The following ADAMTS2 variants were observed in gnomAD, a reference collection of about 807,000 sequenced individuals.
ADAMTS2 encodes A disintegrin and metalloproteinase with thrombospondin motifs 2.
Under a neutral mutation model 123.0 loss-of-function variants are expected in ADAMTS2, and 50 were observed. The ratio of observed to expected loss-of-function variants is 0.41; its 90% confidence interval spans 0.32 to 0.51. ADAMTS2 has a LOEUF of 0.51. Ranked by LOEUF, ADAMTS2 falls within the 20% of genes least tolerant of loss-of-function variation. The pLI, the probability that ADAMTS2 is intolerant of heterozygous loss-of-function variation, is 0.35. For synonymous variants in ADAMTS2, 678 were observed against 695.4 expected (o/e 0.98, Z 0.39); for missense variants, 1,494 against 1,705.2 (o/e 0.88, Z 2.18).
intron 2 of ADAMTS2, among the ~76,000 whole-genome samples, chr5:179,280,858 T>TTA (rs1219581918): frequency 7.5e-6 from 1 of 134,164 alleles, no homozygotes; most frequent in African/African-American, 2.8e-5. Context: ...AGTTCAATGC[T>TTA]TTTTTTCTTC....
rs1277941633 is a variant in ADAMTS2 at position 179,115,780 on chromosome 5, A to G, written c.3179-1456T>C. Among the ~76,000 whole-genome samples, 3 of 151,658 alleles carry G rather than the reference A, an allele frequency of 2.0e-5. No individual in the cohort carries two copies. Among genetic ancestry groups the G allele is most frequent in the Non-Finnish European group, 4.4e-5 (3 of 67,874 alleles). ...GTTATCCCATACACCAACATATGACACAATCTACACCTGAAGCTGTCCAAA... is the reference window on the plus strand; with the variant it reads ...GTTATCCCATACACCAACATATGACGCAATCTACACCTGAAGCTGTCCAAA... On this transcript the variant is annotated intron_variant, in intron 21 of 21. Coordinates refer to ENST00000251582, the MANE Select transcript of ADAMTS2 (RefSeq NM_014244.5). This position sits in a 1 kb window ranked among gnomAD's most constrained non-coding sequence, Gnocchi z 4.4.
chr5:179,282,013 G>T (rs2113530029), intron 2 of ADAMTS2, among the ~76,000 whole-genome samples: 1 of 152,234 alleles, frequency 6.6e-6, no homozygotes, highest in East Asian at 1.9e-4. Flanking sequence ...TTATTGACCT[G>T]TAAGAGCTCT....
intron 3 of ADAMTS2, among the ~76,000 whole-genome samples, chr5:179,248,356 C>T (rs1765850577): frequency 6.6e-6 from 1 of 151,940 alleles, no homozygotes; most frequent in South Asian, 2.1e-4. Context: ...AAACAAATAG[C>T]AGATAGCAGA....
In ADAMTS2 at chr5:179,180,298, C is replaced by T. The variant is rs1764017383; in HGVS notation, c.975+774G>A. 6.6e-6 allele frequency among the ~76,000 whole-genome samples: 1 copy of T among 152,168 alleles called. No homozygotes were observed. The highest frequency in any genetic ancestry group is 2.4e-5 in the African/African-American group (1 of 41,430). On this transcript the variant is annotated intron_variant, in intron 5 of 21. Coordinates refer to ENST00000251582, the MANE Select transcript of ADAMTS2 (RefSeq NM_014244.5). This position sits in a 1 kb window ranked among gnomAD's most constrained non-coding sequence, Gnocchi z 4.6. ...ATGCACACCGCCAGGAAAGGACGTC[C>T]CAGGTTTGGCTGCAAGAGGAAGTGG...
At chr5:179,151,997 A>G (rs1299636810) in intron 10 of ADAMTS2, 145 bp downstream of exon 10, 3 of 680,886 alleles carry the variant, frequency 4.4e-6, no homozygotes, top group Admixed American at 4.8e-5. Flanking sequence ...TGTGAGGGGT[A>G]ATTAGAAGGG....
chr5:179,183,128 A>G (rs943734851), intron 4 of ADAMTS2, among the ~76,000 whole-genome samples: 6 of 152,208 alleles, frequency 3.9e-5, no homozygotes, highest in African/African-American at 1.4e-4. Context: ...TCCTGGGGGT[A>G]GGGTATGCAC....
chr5:179,239,043 T>C (rs569469868), intron 3 of ADAMTS2, among the ~76,000 whole-genome samples: 1 of 152,146 alleles, frequency 6.6e-6, no homozygotes, highest in Non-Finnish European at 1.5e-5. Flanking sequence ...GTTGTGAATA[T>C]AATAAAAACC....
intron 2 of ADAMTS2, among the ~76,000 whole-genome samples, chr5:179,287,159 G>A (rs1474273669): frequency 6.6e-6 from 1 of 152,140 alleles, no homozygotes; most frequent in Non-Finnish European, 1.5e-5. Flanking sequence ...TCCTTGGGGA[G>A]CCACTCTGGA....
intron 3 of ADAMTS2, among the ~76,000 whole-genome samples, chr5:179,270,725 TG>T (rs1327401068): frequency 6.6e-6 from 1 of 152,204 alleles, no homozygotes; most frequent in Non-Finnish European, 1.5e-5. Flanking sequence ...TCACTGGGCC[TG>T]GTGCCCTTCC....
chr5:179,123,676 G>A (rs1025458534), intron 19 of ADAMTS2, among the ~76,000 whole-genome samples: 30 of 152,170 alleles, frequency 2.0e-4, no homozygotes, highest in East Asian at 1.9e-3. Flanking sequence ...CGATCCACCC[G>A]CCTGGGCCTC....
Position 179,113,768 on chromosome 5 carries a change from A to G in ADAMTS2, c.*99T>C. The G allele has an allele frequency of 8.0e-7, 1 of 1,256,546 alleles. No homozygotes were observed. Among genetic ancestry groups the G allele is most frequent in the Non-Finnish European group, 1.2e-6 (1 of 862,930 alleles). The allele number at this position is 1,256,546 out of a possible 1,614,324, so 77.8% of individuals were successfully genotyped here. A position where few individuals can be genotyped will look rare whatever the true frequency, so the allele number is the denominator to read the frequency against. Reference sequence around the variant, plus strand: ...TGTTTTCTCAAAACCTTTTGGAATCAGGAATTTTGACTTCATCTCCATGAC... The same window carrying G: ...TGTTTTCTCAAAACCTTTTGGAATCGGGAATTTTGACTTCATCTCCATGAC... On this transcript the variant is annotated 3_prime_UTR_variant, in exon 22 of 22. Coordinates refer to ENST00000251582, the MANE Select transcript of ADAMTS2 (RefSeq NM_014244.5).
chr5:179,143,153 G>A (rs1245291105), intron 10 of ADAMTS2, among the ~76,000 whole-genome samples: 1 of 152,198 alleles, frequency 6.6e-6, no homozygotes, highest in East Asian at 1.9e-4. Context: ...CTGAATAGAG[G>A]CTGAGTGCAA....
At chr5:179,300,289 C>T (rs1268176179) in intron 2 of ADAMTS2, among the ~76,000 whole-genome samples, 2 of 152,126 alleles carry the variant, frequency 1.3e-5, no homozygotes, top group African/African-American at 2.4e-5. Flanking sequence ...ATTATTCTGT[C>T]TCTCACAGAG....
chr5:179,127,999 G>T lies in ADAMTS2; in HGVS notation c.2577C>A (p.Ala859=), dbSNP rs1762888771. The T allele has an allele frequency of 1.9e-6, 3 of 1,613,972 alleles. No individual in the cohort carries two copies. Among genetic ancestry groups the T allele is most frequent in the Non-Finnish European group, 2.5e-6 (3 of 1,180,026 alleles). ...TGGAGCACGGAGACCACTTCTTCAGGGCCCACTCGTAGACCACAGAGTCCT... is the reference window on the plus strand; with the variant it reads ...TGGAGCACGGAGACCACTTCTTCAGTGCCCACTCGTAGACCACAGAGTCCT... ...LEEDSVVYEW[A]LKKWSPCSKP... Residue 859 remains alanine (A), a synonymous_variant, in exon 17 of 22, where the codon GCC becomes GCA. Transcript: ENST00000251582.
chr5:179,207,943 G>A (rs185496492), intron 3 of ADAMTS2, among the ~76,000 whole-genome samples: 58 of 152,220 alleles, frequency 3.8e-4, no homozygotes, highest in Non-Finnish European at 7.5e-4. Flanking sequence ...TTCCAGGACC[G>A]CTCGTTCCCC....
intron 2 of ADAMTS2, among the ~76,000 whole-genome samples, chr5:179,279,771 C>G (rs1260632706): frequency 1.3e-5 from 2 of 152,174 alleles, no homozygotes; most frequent in Non-Finnish European, 2.9e-5. Context: ...TGGGAAGTAT[C>G]GAGTGGGATT....
rs1304679788 is a variant in ADAMTS2 at position 179,185,062 on chromosome 5, C to A, written c.892-3907G>T. Among the ~76,000 whole-genome samples the A allele has an allele frequency of 6.6e-6, 1 of 152,142 alleles. No homozygotes were observed. Among genetic ancestry groups the A allele is most frequent in the Admixed American group, 6.5e-5 (1 of 15,286 alleles). On this transcript the variant is annotated intron_variant, in intron 4 of 21. Coordinates refer to ENST00000251582, the MANE Select transcript of ADAMTS2 (RefSeq NM_014244.5). The surrounding 1 kb of genome is among the most constrained non-coding windows in gnomAD (Gnocchi z 5.9). ...CATGCAAACCTCCCAGGGTTGGAAG[C>A]AGCGAGGCACCTTCCAAGCACAGAG...
intron 2 of ADAMTS2, among the ~76,000 whole-genome samples, chr5:179,315,663 T>C (rs1756971423): frequency 6.6e-6 from 1 of 152,192 alleles, no homozygotes; most frequent in Non-Finnish European, 1.5e-5. Context: ...AGAGGAAAAC[T>C]GAAACAACGA....
At chr5:179,163,789 C>T (rs1002006884) in intron 5 of ADAMTS2, among the ~76,000 whole-genome samples, 7 of 152,206 alleles carry the variant, frequency 4.6e-5, no homozygotes, top group African/African-American at 1.7e-4. Flanking sequence ...TCGGCCCAGT[C>T]CAAGAAGGCA....
Sources: gnomAD v4.1 joint callset for allele counts (sites outside exome capture counted in the v4.1 genomes callset) on GRCh38, gnomAD v4.1.1 for gene constraint, Gnocchi (gnomAD v3.1) non-coding constraint, MANE v1.5 for transcripts, NCBI Gene and HGNC (gene_info 2026-07-23, HGNC 2026-07-21) for gene names.